Variants in RABGAP1L observed in about 807,000 individuals in gnomAD.
The protein encoded by RABGAP1L is rab GTPase-activating protein 1-like.
RABGAP1L carries 63 observed loss-of-function variants against 137.7 expected under a neutral mutation model. The ratio of observed to expected loss-of-function variants is 0.46; its 90% CI spans 0.37 to 0.56. The LOEUF is 0.56. Ranked by LOEUF, RABGAP1L falls within the 20% of genes least tolerant of loss-of-function variation. The pLI, the probability that RABGAP1L is intolerant of heterozygous loss-of-function variation, is 0.00. For missense variants in RABGAP1L, 1,095 were observed against 1,244.0 expected, an observed-to-expected ratio of 0.88 and a Z score of 1.80; for synonymous variants, 431 against 433.7, an observed-to-expected ratio of 0.99 and a Z score of 0.08.
At chr1:174,327,966 T>TATATATATATAC (rs1558135835) in intron 11 of RABGAP1L, among the ~76,000 whole-genome samples, 12 of 13,864 alleles carry the variant, frequency 8.7e-4, no homozygotes, top group African/African-American at 8.2e-3. Flanking sequence ...AATATATATA[T>TATATATATATAC]ATATATATAT....
chr1:174,233,410 C>G (rs1373552484), intron 4 of RABGAP1L, among the ~76,000 whole-genome samples: 1 of 98,488 alleles, frequency 1.0e-5, no homozygotes, highest in Non-Finnish European at 2.0e-5. Flanking sequence ...TGCTATCCCT[C>G]CCCCCTCCCC....
At chr1:174,173,191 C>G (rs956453742) in intron 1 of RABGAP1L, among the ~76,000 whole-genome samples, 15 of 151,144 alleles carry the variant, frequency 9.9e-5, no homozygotes, top group African/African-American at 3.7e-4. Flanking sequence ...AGTGCAATGG[C>G]ATGGTCTCGG....
At chr1:174,912,316 A>AT (rs1358324154) in intron 19 of RABGAP1L, among the ~76,000 whole-genome samples, 7 of 151,756 alleles carry the variant, frequency 4.6e-5, no homozygotes, top group Admixed American at 1.3e-4. Flanking sequence ...TAACTTTTTC[A>AT]TTTTTTTGTA....
At chr1:174,586,356 C>T (rs1293927669) in intron 13 of RABGAP1L, among the ~76,000 whole-genome samples, 1 of 149,836 alleles carries the variant, frequency 6.7e-6, no homozygotes, top group Non-Finnish European at 1.5e-5. Flanking sequence ...CACATGGACA[C>T]AGGGAGGGCA....
intron 6 of RABGAP1L, among the ~76,000 whole-genome samples, chr1:174,251,611 A>C (rs895571220): frequency 1.3e-5 from 2 of 152,174 alleles, no homozygotes; most frequent in Non-Finnish European, 2.9e-5. Context: ...TATTTTAATG[A>C]ATTAATTTGT....
At chr1:174,622,653 A>G (rs987383636) in intron 13 of RABGAP1L, among the ~76,000 whole-genome samples, 12 of 152,306 alleles carry the variant, frequency 7.9e-5, no homozygotes, top group African/African-American at 2.6e-4. Context: ...GAATTGAACA[A>G]TGAGAACACA....
At chr1:174,439,374 T>G (rs1416628565) in intron 13 of RABGAP1L, among the ~76,000 whole-genome samples, 1 of 152,200 alleles carries the variant, frequency 6.6e-6, no homozygotes, top group Non-Finnish European at 1.5e-5. Context: ...AATCAGTAGA[T>G]TGTGATATGT....
chr1:174,525,917 G>A (rs1056616564), intron 13 of RABGAP1L, among the ~76,000 whole-genome samples: 1 of 152,024 alleles, frequency 6.6e-6, no homozygotes, highest in African/African-American at 2.4e-5. Flanking sequence ...TCATTCTGTT[G>A]ATGTGATGTA....
chr1:174,919,734 T>C (rs575772163), intron 19 of RABGAP1L, among the ~76,000 whole-genome samples: 4 of 152,252 alleles, frequency 2.6e-5, no homozygotes, highest in African/African-American at 4.8e-5. Flanking sequence ...GTTATGCCTG[T>C]AGTCCCAGCT....
chr1:174,635,457 C>G (rs750574749), intron 13 of RABGAP1L, among the ~76,000 whole-genome samples: 2 of 152,094 alleles, frequency 1.3e-5, no homozygotes, highest in Non-Finnish European at 1.5e-5. Flanking sequence ...TTTTTGTACT[C>G]AAGACTCCAG....
In RABGAP1L at chr1:174,722,454, T is replaced by G. The variant is rs903335913; in HGVS notation, c.2169+20198T>G. Among the ~76,000 whole-genome samples, 12 of 152,066 alleles carry G rather than the reference T, an allele frequency of 7.9e-5. No individual in the cohort carries two copies. In the East Asian group the frequency reaches 1.9e-3, roughly 25 times the overall value. ...CATTTTTCCTTTTTTATCGCAAGCT[T>G]CTTTTTTTTTTTGAGACGGAGTTTC... On this transcript the variant is annotated intron_variant, in intron 17 of 25. Coordinates refer to ENST00000681986, the MANE Select transcript of RABGAP1L (RefSeq NM_001366446.1).
chr1:174,430,657 G>A (rs1652528342), intron 13 of RABGAP1L, among the ~76,000 whole-genome samples: 1 of 152,164 alleles, frequency 6.6e-6, no homozygotes, highest in African/African-American at 2.4e-5. Flanking sequence ...AATAGTTAGA[G>A]TTCAGTTTAA....
At chr1:174,567,093 T>A (rs909083206) in intron 13 of RABGAP1L, among the ~76,000 whole-genome samples, 1 of 152,102 alleles carries the variant, frequency 6.6e-6, no homozygotes, top group Non-Finnish European at 1.5e-5. Flanking sequence ...GTTAACAGTG[T>A]TGTATAACCA....
chr1:174,345,979 T>A (rs1682391668), intron 11 of RABGAP1L, among the ~76,000 whole-genome samples: 2 of 152,166 alleles, frequency 1.3e-5, no homozygotes, highest in Non-Finnish European at 2.9e-5. Context: ...TTTATCAAAA[T>A]TTTTTAAGCA....
chr1:174,506,345 G>A (rs1039666705), intron 13 of RABGAP1L, among the ~76,000 whole-genome samples: 1 of 152,152 alleles, frequency 6.6e-6, no homozygotes, highest in Non-Finnish European at 1.5e-5. Context: ...TCAGAAAGAG[G>A]TTATACGGCC....
chr1:174,915,532 C>G (rs1449051889), intron 19 of RABGAP1L, among the ~76,000 whole-genome samples: 1 of 152,222 alleles, frequency 6.6e-6, no homozygotes, highest in Non-Finnish European at 1.5e-5. Context: ...TCTCAGCTCA[C>G]TGCAACCTCT....
intron 13 of RABGAP1L, among the ~76,000 whole-genome samples, chr1:174,484,029 G>A (rs1659392611): frequency 6.6e-6 from 1 of 152,090 alleles, no homozygotes; most frequent in Non-Finnish European, 1.5e-5. Context: ...CACCAGCAGT[G>A]TAGGAAGGTT....
chr1:174,958,335 A>G, intron 20 of RABGAP1L: 1 of 667,392 alleles, frequency 1.5e-6, no homozygotes, highest in South Asian at 2.0e-5. Flanking sequence ...AATTAGCAAC[A>G]CTGTTCCCAG....
chr1:174,803,708 A>C (rs1688974011), intron 18 of RABGAP1L, among the ~76,000 whole-genome samples: 1 of 152,154 alleles, frequency 6.6e-6, no homozygotes, highest in African/African-American at 2.4e-5. Context: ...AATAGTGAGA[A>C]GTTTGGAATA....
Sources: gnomAD v4.1 joint callset for allele counts (sites outside exome capture counted in the v4.1 genomes callset) on GRCh38, gnomAD v4.1.1 for gene constraint, MANE v1.5 for transcripts, NCBI Gene and HGNC (gene_info 2026-07-23, HGNC 2026-07-21) for gene names.